ATP9B: variants seen among roughly 807,000 people sequenced by gnomAD.
ATP9B encodes the protein ATPase phospholipid transporting 9B, also known as probable phospholipid-transporting ATPase IIB.
ATP9B carries 110 observed loss-of-function variants against 146.1 expected under a neutral mutation model. The observed-to-expected ratio is 0.75, with a 90% CI of 0.65 to 0.88. The LOEUF (loss-of-function observed/expected upper bound fraction) is 0.88, where lower values mean the gene tolerates loss of function less well. ATP9B is among the 40% of genes least tolerant of loss of function. The pLI is 0.00. For synonymous variants in ATP9B, 604 were observed against 569.7 expected, an observed-to-expected ratio of 1.06 and a Z score of -0.86; for missense variants, 1,499 against 1,496.4, an observed-to-expected ratio of 1.00 and a Z score of -0.03.
Position 79,176,905 on chromosome 18 carries a change from G to T in ATP9B, c.871G>T (p.Gly291Trp), listed in dbSNP as rs933105330. 1 of 1,613,538 alleles carries T rather than the reference G, an allele frequency of 6.2e-7. No homozygotes were observed. Among genetic ancestry groups the T allele is most frequent in the Non-Finnish European group, 8.5e-7 (1 of 1,179,718 alleles). Residue 291 changes from glycine to tryptophan, a missense_variant and splice_region_variant, in exon 8 of 30, where the codon GGG becomes TGG. By Grantham distance (184) the Gly-to-Trp change is radical. Transcript: ENST00000426216. ...CTGCACGCAACAGCTGCCGGCTCTG[G>T]GGGTGAGCAGCACCAAGACTACTCC... ...VSCTQQLPAL[G>W]DLFSISAYVY...
chr18:79,200,934 T>C (rs2095480811), intron 9 of ATP9B, among the ~76,000 whole-genome samples: 1 of 152,106 alleles, frequency 6.6e-6, no homozygotes, highest in Non-Finnish European at 1.5e-5. Flanking sequence ...TTTAGGACGG[T>C]CGGTTGGCCT....
chr18:79,230,936 T>C (rs1442130727), intron 11 of ATP9B, among the ~76,000 whole-genome samples: 1 of 152,034 alleles, frequency 6.6e-6, no homozygotes, highest in Non-Finnish European at 1.5e-5. Flanking sequence ...ATTCAACAAA[T>C]GGTGGTGGGT....
intron 11 of ATP9B, among the ~76,000 whole-genome samples, chr18:79,232,452 A>G (rs1188414490): frequency 2.0e-5 from 3 of 152,230 alleles, no homozygotes; most frequent in South Asian, 4.1e-4. Context: ...GGCAGCCCCT[A>G]ACACCTACAG....
intron 11 of ATP9B, among the ~76,000 whole-genome samples, chr18:79,221,381 C>A (rs1375489162): frequency 6.6e-6 from 1 of 152,164 alleles, no homozygotes; most frequent in Non-Finnish European, 1.5e-5. Flanking sequence ...GAGGACTTGC[C>A]CCATCTCAGC....
intron 2 of ATP9B, among the ~76,000 whole-genome samples, chr18:79,097,515 T>C (rs1286861717): frequency 7.9e-6 from 1 of 125,848 alleles, no homozygotes; most frequent in Non-Finnish European, 1.7e-5. Context: ...ATTTGTTCTT[T>C]CCCTCCCCCC....
intron 1 of ATP9B, among the ~76,000 whole-genome samples, chr18:79,070,098 T>C (rs1436711411): frequency 6.6e-6 from 1 of 152,216 alleles, no homozygotes; most frequent in Non-Finnish European, 1.5e-5. Context: ...GTTAACTTGT[T>C]TAGTGGGGTC....
chr18:79,341,624 T>C (rs1328837249), intron 19 of ATP9B, among the ~76,000 whole-genome samples: 1 of 145,878 alleles, frequency 6.9e-6, no homozygotes, highest in Non-Finnish European at 1.5e-5. Context: ...GTTGGATGTG[T>C]GTAGCGTGAC....
rs568968350 is a variant in ATP9B, at chr18:79,272,647, G to C, written c.1269-4407G>C. Among the ~76,000 whole-genome samples, 7 of 152,084 alleles carry C rather than the reference G, an allele frequency of 4.6e-5. No individual in the cohort carries two copies. In the East Asian group the frequency reaches 1.4e-3, roughly 29 times the overall value. On this transcript the variant is annotated intron_variant, in intron 12 of 29. Coordinates refer to ENST00000426216, the MANE Select transcript of ATP9B (RefSeq NM_198531.5). ...AGCTCTCTCCACTGAATCCTGCACGGATATGCTCCTCTCCCTGAGCCCTCT... is the reference window on the plus strand; with the variant it reads ...AGCTCTCTCCACTGAATCCTGCACGCATATGCTCCTCTCCCTGAGCCCTCT...
chr18:79,305,122 C>T (rs1252149659), intron 14 of ATP9B, among the ~76,000 whole-genome samples: 1 of 152,192 alleles, frequency 6.6e-6, no homozygotes, highest in Non-Finnish European at 1.5e-5. Flanking sequence ...GCAGAGGCCA[C>T]CTGGCGACGT....
intron 25 of ATP9B, among the ~76,000 whole-genome samples, chr18:79,356,837 CTCTGGGTCTGGAGGTGTCCGTGT>C (rs1568810720): frequency 3.1e-5 from 2 of 65,480 alleles, no homozygotes; most frequent in East Asian, 8.7e-4. Context: ...GTGAGGGATG[CTCTGGGTCTGGAGGTGTCCGTGT>C]GAGGGACCCT....
At chr18:79,206,001 C>T (rs1463382146) in intron 9 of ATP9B, among the ~76,000 whole-genome samples, 2 of 151,056 alleles carry the variant, frequency 1.3e-5, no homozygotes, top group Non-Finnish European at 2.9e-5. Flanking sequence ...AGTGAAGTGG[C>T]GTGATCTTGG....
At chr18:79,200,790 G>GGAACGTTGGGGTCAGAGC (rs1402464696) in intron 9 of ATP9B, among the ~76,000 whole-genome samples, 1 of 152,246 alleles carries the variant, frequency 6.6e-6, no homozygotes, top group Non-Finnish European at 1.5e-5. Context: ...AGTAGTGGTG[G>GGAACGTTGGGGTCAGAGC]AATTGTTTTC....
At chr18:79,089,963 C>T (rs556846639) in intron 1 of ATP9B, among the ~76,000 whole-genome samples, 76 of 152,316 alleles carry the variant, frequency 5.0e-4, no homozygotes, top group African/African-American at 1.8e-3. Flanking sequence ...TCATTCTACT[C>T]TCTGTCTCCA....
chr18:79,154,646 A>G, intron 7 of ATP9B, 91 bp downstream of exon 7: 3 of 812,890 alleles, frequency 3.7e-6, no homozygotes, highest in Non-Finnish European at 5.6e-6. Flanking sequence ...TGTTTTCCTT[A>G]CATTTTTAGT....
chr18:79,142,275 A>G (rs2094523258), intron 5 of ATP9B, among the ~76,000 whole-genome samples: 1 of 152,256 alleles, frequency 6.6e-6, no homozygotes, highest in Non-Finnish European at 1.5e-5. Flanking sequence ...TTACCGTGCT[A>G]CAGAATAATA....
Position 79,329,209 on chromosome 18 carries a change from G to C in ATP9B, c.1842G>C (p.Gln614His), listed in dbSNP as rs1260389329. 1 of 1,612,544 alleles carries C rather than the reference G, an allele frequency of 6.2e-7. No individual in the cohort carries two copies. Among genetic ancestry groups the C allele is most frequent in the Admixed American group, 1.7e-5 (1 of 59,928 alleles). Residue 614 changes from glutamine (Q) to histidine (H), a missense_variant, in exon 16 of 30, where the codon CAG becomes CAC. Physicochemically the swap from Gln to His is conservative, Grantham distance 24. Transcript: ENST00000426216. Reference sequence around the variant, plus strand: ...TCAGCAGGGACCTCACCTCCATGCAGCTGAAGACCCCCAGTGGCCAGGTCC... The same window carrying C: ...TCAGCAGGGACCTCACCTCCATGCACCTGAAGACCCCCAGTGGCCAGGTCC... ...TLVSRDLTSM[Q>H]LKTPSGQVLS... is the part of the protein sequence containing the mutation.
chr18:79,076,557 TTTCTC>T (rs1426377541), intron 1 of ATP9B, among the ~76,000 whole-genome samples: 25 of 151,784 alleles, frequency 1.6e-4, no homozygotes, highest in African/African-American at 4.1e-4. Flanking sequence ...AGGTGTCACT[TTTCTC>T]TTACTACTTT....
At chr18:79,093,716 G>A (rs965663259) in intron 1 of ATP9B, among the ~76,000 whole-genome samples, 1 of 152,038 alleles carries the variant, frequency 6.6e-6, no homozygotes, top group Admixed American at 6.5e-5. Flanking sequence ...ATGCATGGGT[G>A]CGTGTGCACA....
intron 1 of ATP9B, among the ~76,000 whole-genome samples, chr18:79,073,356 C>G (rs1285840992): frequency 1.3e-5 from 2 of 152,158 alleles, no homozygotes; most frequent in East Asian, 1.9e-4. Flanking sequence ...ACTGAGTGAG[C>G]GAGACTCCGT....
Sources: gnomAD v4.1 joint callset for allele counts (sites outside exome capture counted in the v4.1 genomes callset) on GRCh38, gnomAD v4.1.1 for gene constraint, MANE v1.5 for transcripts, NCBI Gene and HGNC (gene_info 2026-07-23, HGNC 2026-07-21) for gene names.